FGD5: variants seen among roughly 807,000 people sequenced by gnomAD.
FGD5 encodes FYVE, RhoGEF and PH domain containing 5.
FGD5 carries 28 observed loss-of-function variants against 133.4 expected under a neutral mutation model. The observed-to-expected ratio is 0.21, with a 90% CI of 0.16 to 0.29. The LOEUF is 0.29. Among genes scored for constraint, FGD5 ranks in the 10% least tolerant of loss-of-function variants. FGD5 has a pLI of 1.00. For missense variants in FGD5, 1,858 were observed against 1,895.2 expected (o/e 0.98, Z 0.36); for synonymous variants, 810 against 776.5 (o/e 1.04, Z -0.72).
upstream of FGD5, among the ~76,000 whole-genome samples, chr3:14,814,980 C>T (rs745562981): frequency 6.6e-6 from 1 of 152,148 alleles, no homozygotes; most frequent in Non-Finnish European, 1.5e-5. Context: ...CTTTTCACCT[C>T]AGCCTGGTCC....
At chr3:14,925,091 A>C (rs1575264246) in intron 17 of FGD5, among the ~76,000 whole-genome samples, 1 of 114,454 alleles carries the variant, frequency 8.7e-6, no homozygotes, top group Non-Finnish European at 1.8e-5. Context: ...ACACAGCAAG[A>C]CTCTGTCTCA....
chr3:14,820,564 C>T lies in FGD5; in HGVS notation c.1493C>T (p.Pro498Leu). 6.2e-7 allele frequency: 1 copy of T among 1,612,136 alleles called. No individual in the cohort carries two copies. The highest frequency in any genetic ancestry group is 8.5e-7 in the Non-Finnish European group (1 of 1,178,820). Residue 498 changes from proline (P) to leucine (L), a missense_variant, in exon 1 of 20, where the codon CCT (proline) becomes CTT (leucine). This residue lies in a region of FGD5 where 1,824 missense variants were observed against 1,848.9 expected (regional missense o/e 0.99). Transcript: ENST00000285046. ...KVAGYVPETV[P>L]EETGPEAGSS... ...GCCGGCTATGTCCCAGAAACCGTCC[C>T]TGAAGAAACCGGACCTGAGGCGGGC...
rs549674750 is a variant in FGD5, at chr3:14,886,800, C to T, written c.2748+6028C>T. Among the ~76,000 whole-genome samples, 5 of 152,368 alleles carry T rather than the reference C, an allele frequency of 3.3e-5. No individual in the cohort carries two copies. The South Asian group carries it at 6.2e-4, about 19-fold the overall frequency. On this transcript the variant is annotated intron_variant, in intron 4 of 19. Coordinates refer to ENST00000285046, the MANE Select transcript of FGD5 (RefSeq NM_152536.4). ...TTGACCCATGGATTATTTAAAACTGCGTCGTGTAACTTCCAAGTATTTGTG... is the reference window on the plus strand; with the variant it reads ...TTGACCCATGGATTATTTAAAACTGTGTCGTGTAACTTCCAAGTATTTGTG...
chr3:14,869,719 G>C (rs4522750), intron 2 of FGD5, among the ~76,000 whole-genome samples: 103,547 of 151,814 alleles, frequency 0.68, 35,569 homozygotes, highest in African/African-American at 0.77. Flanking sequence ...GTGGCTTATA[G>C]ACTTAGCATA....
chr3:14,922,664 G>A lies in FGD5; in HGVS notation c.3807+116G>A. 2.2e-6 allele frequency: 3 copies of A among 1,395,124 alleles called. No individual in the cohort carries two copies. The highest frequency in any genetic ancestry group is 2.9e-6 in the Non-Finnish European group (3 of 1,039,734). The allele number at this position is 1,395,124 out of a possible 1,614,324, so 86.4% of individuals were successfully genotyped here. A position where few individuals can be genotyped will look rare whatever the true frequency, so the allele number is the denominator to read the frequency against. On this transcript the variant is annotated intron_variant, in intron 15 of 19. Transcript: ENST00000285046. This position sits in a 1 kb window ranked among gnomAD's most constrained non-coding sequence, Gnocchi z 4.1. ...GCAGCTACTGTAAGCCCCAGAGTGAGGCATGTTCACACCAACCCGAGAGGA... is the reference window on the plus strand; with the variant it reads ...GCAGCTACTGTAAGCCCCAGAGTGAAGCATGTTCACACCAACCCGAGAGGA...
chr3:14,818,840 T>C (rs1179127736), upstream of FGD5: 7 of 1,176,800 alleles, frequency 5.9e-6, no homozygotes, highest in Non-Finnish European at 7.8e-6. Flanking sequence ...GGAGGTGGGC[T>C]TCACATGGAT....
intron 2 of FGD5, among the ~76,000 whole-genome samples, chr3:14,869,628 G>A (rs905991719): frequency 6.6e-6 from 1 of 151,990 alleles, no homozygotes; most frequent in Non-Finnish European, 1.5e-5. Flanking sequence ...GGCAGCCACC[G>A]TTCCACTTCC....
chr3:14,857,548 G>C (rs1332820079), intron 1 of FGD5, among the ~76,000 whole-genome samples: 3 of 152,144 alleles, frequency 2.0e-5, no homozygotes, highest in Non-Finnish European at 2.9e-5. Flanking sequence ...CTGGTTTGGG[G>C]CTTGAGAAAA....
chr3:14,856,164 C>G (rs2037273608), intron 1 of FGD5, among the ~76,000 whole-genome samples: 1 of 152,076 alleles, frequency 6.6e-6, no homozygotes, highest in Non-Finnish European at 1.5e-5. Flanking sequence ...GCACTTTTGT[C>G]AAAACATTAG....
intron 9 of FGD5, among the ~76,000 whole-genome samples, chr3:14,902,492 C>CA (rs1227627524): frequency 7.9e-5 from 12 of 152,028 alleles, no homozygotes; most frequent in Admixed American, 7.9e-4. Context: ...CATCAGAGTC[C>CA]AGGGAGAGAG....
At position 14,824,896 on chromosome 3, in the gene FGD5, G is replaced by A. The variant is rs573841448; in HGVS notation, c.2525+3300G>A. Among the ~76,000 whole-genome samples, 9 of 152,308 alleles carry A rather than the reference G, an allele frequency of 5.9e-5. 1 individual carries two copies. The highest frequency in any genetic ancestry group is 1.7e-4 in the African/African-American group (7 of 41,558). ...TGAGGTGATTCCTTGCCAAGGCTAG[G>A]AGCTGGAAGCCTGATCTCTTTGTTA... On this transcript the variant is annotated intron_variant, in intron 1 of 19. Coordinates refer to ENST00000285046, the MANE Select transcript of FGD5 (RefSeq NM_152536.4).
chr3:14,932,931 C>T (rs1233294275), intron 19 of FGD5, among the ~76,000 whole-genome samples, 200 bp downstream of exon 19: 1 of 152,180 alleles, frequency 6.6e-6, no homozygotes, highest in Non-Finnish European at 1.5e-5. Flanking sequence ...ATCAAGGATG[C>T]ATTGATTCAG....
chr3:14,898,065 C>G lies in FGD5; in HGVS notation c.3036C>G (p.Pro1012=), dbSNP rs1277724168. 3 of 1,613,922 alleles carry G rather than the reference C, an allele frequency of 1.9e-6. No homozygotes were observed. In the African/African-American group the frequency reaches 4.0e-5, roughly 22 times the overall value. ...TCAGTGAGAATTGCCTCCACTCTCC[C>G]CGGCTGGCAGCTGCTGTCCGTGAAT... is the stretch of plus-strand genomic sequence containing the variant. ...GLLSENCLHS[P]RLAAAVREFE... Residue 1012 remains proline (P), a synonymous_variant, in exon 6 of 20, where the codon CCC becomes CCG. Transcript: ENST00000285046.
chr3:14,898,148 G>C, intron 6 of FGD5, 53 bp downstream of exon 6: 1 of 1,607,428 alleles, frequency 6.2e-7, no homozygotes, highest in Non-Finnish European at 8.5e-7. Context: ...GGGTTGAGGT[G>C]GGCGAAGGGC....
chr3:14,821,445 C>T lies in FGD5; in HGVS notation c.2374C>T (p.Arg792Trp), dbSNP rs546064860. ...CTATGAGAATATCCAGATTCCACCC[C>T]GGAGACCTGCCAGGGCTGGCGCGTT... ...SDYENIQIPP[R>W]RPARAGAFTK... The change falls in exon 1 of 20, where the codon CGG becomes TGG. Residue 792 changes from arginine to tryptophan, a missense_variant. Arg to Trp is a moderately radical substitution (Grantham distance 101, BLOSUM62 -3). Transcript: ENST00000285046. 99 of 1,613,980 alleles carry T rather than the reference C, an allele frequency of 6.1e-5. No homozygotes were observed. Among genetic ancestry groups the T allele is most frequent in the Admixed American group, 2.5e-4 (15 of 60,018 alleles).
Position 14,922,597 on chromosome 3 carries a change from G to A in FGD5, c.3807+49G>A, listed in dbSNP as rs2038707322. On this transcript the variant is annotated intron_variant, in intron 15 of 19. Coordinates refer to ENST00000285046, the MANE Select transcript of FGD5 (RefSeq NM_152536.4). The surrounding 1 kb of genome is among the most constrained non-coding windows in gnomAD (Gnocchi z 4.1). ...GTGTGTGCATGGGGGTGGGGTGGGG[G>A]AAGGGCATGTCCCTGCCCAGCCGGG... 7.6e-7 allele frequency: 1 copy of A among 1,320,820 alleles called. No individual in the cohort carries two copies. Among genetic ancestry groups the A allele is most frequent in the Non-Finnish European group, 1.0e-6 (1 of 962,400 alleles). The allele number at this position is 1,320,820 out of a possible 1,614,324, so 81.8% of individuals were successfully genotyped here.
At chr3:14,914,563 G>A (rs752051237) in intron 11 of FGD5, among the ~76,000 whole-genome samples, 71 of 152,216 alleles carry the variant, frequency 4.7e-4, no homozygotes, top group Non-Finnish European at 7.9e-4. Flanking sequence ...CCATCACAGA[G>A]AGGCTGGGGC....
At chr3:14,931,397 C>G (rs1005505543) in intron 18 of FGD5, 1 of 152,042 alleles carries the variant, frequency 6.6e-6, no homozygotes, top group African/African-American at 2.4e-5. Context: ...CTATGTTGTC[C>G]AGGCTGGACT....
At chr3:14,812,359 G>A (rs1575181873) in intron 1 of FGD5, among the ~76,000 whole-genome samples, 2 of 152,212 alleles carry the variant, frequency 1.3e-5, no homozygotes, top group African/African-American at 4.8e-5. Flanking sequence ...AGCCAGGCTA[G>A]CTTTTTCCTA....
Sources: allele counts gnomAD v4.1 joint callset (sites outside exome capture counted in the v4.1 genomes callset), GRCh38; gene constraint gnomAD v4.1.1; regional missense constraint gnomAD v4.1.1; non-coding constraint Gnocchi (gnomAD v3.1); transcripts MANE v1.5; gene names NCBI Gene and HGNC (gene_info 2026-07-23, HGNC 2026-07-21).